RETREG1: variants seen among roughly 807,000 people sequenced by gnomAD.
RETREG1 encodes the protein reticulophagy regulator 1.
A neutral mutation model predicts 54.8 loss-of-function variants in RETREG1; 44 were observed. The observed-to-expected ratio is 0.80, with a 90% CI of 0.63 to 1.03. The LOEUF (loss-of-function observed/expected upper bound fraction) is 1.03, where lower values mean the gene tolerates loss of function less well. Ranked by LOEUF, RETREG1 falls within the 50% of genes least tolerant of loss-of-function variation. The probability of loss-of-function intolerance (pLI) is 0.00; values close to 1 mark genes in which losing one functional copy is unlikely to be tolerated. For missense variants in RETREG1, 554 were observed against 605.1 expected (o/e 0.92, Z 0.89); for synonymous variants, 217 against 238.5 (o/e 0.91, Z 0.83).
At chr5:16,541,427 C>T (rs907090489) in intron 3 of RETREG1, among the ~76,000 whole-genome samples, 6 of 152,312 alleles carry the variant, frequency 3.9e-5, no homozygotes, top group South Asian at 2.1e-4. Context: ...CGGTGGCTCA[C>T]GCCTGTAATC....
At chr5:16,543,548 C>T (rs6883256) in intron 3 of RETREG1, among the ~76,000 whole-genome samples, 14,031 of 151,802 alleles carry the variant, frequency 0.092, 875 homozygotes, top group African/African-American at 0.17. Flanking sequence ...TGGTGGTGCA[C>T]GCCTGTAATC....
chr5:16,519,485 C>T (rs1360440626), intron 3 of RETREG1, among the ~76,000 whole-genome samples: 2 of 152,166 alleles, frequency 1.3e-5, no homozygotes, highest in African/African-American at 2.4e-5. Context: ...AAAGCAGAAC[C>T]TTTTTCTCAG....
In RETREG1 at chr5:16,483,204, C is replaced by G. The variant is rs370114092; in HGVS notation, c.585+142G>C. On this transcript the variant is annotated intron_variant, in intron 4 of 8. Coordinates refer to ENST00000306320, the MANE Select transcript of RETREG1 (RefSeq NM_001034850.3). ...CGCACACTCACACATCTGAACCTTG[C>G]TGATACCAGCTTTTATGGCATATGT... The G allele has an allele frequency of 6.8e-5, 64 of 942,224 alleles. 1 individual carries two copies. In the African/African-American group the frequency reaches 9.5e-4, roughly 14 times the overall value. The allele number at this position is 942,224 out of a possible 1,614,324, so 58.4% of individuals were successfully genotyped here.
chr5:16,510,033 A>G (rs1425074454), intron 3 of RETREG1, among the ~76,000 whole-genome samples: 1 of 152,142 alleles, frequency 6.6e-6, no homozygotes, highest in Non-Finnish European at 1.5e-5. Context: ...AAAAATAAAA[A>G]AATAAAAATC....
intron 3 of RETREG1, among the ~76,000 whole-genome samples, chr5:16,511,750 C>G (rs538621704): frequency 2.9e-4 from 44 of 152,274 alleles, no homozygotes; most frequent in African/African-American, 1.0e-3. Flanking sequence ...TGGCTGGCAT[C>G]TGCTCAGCTT....
chr5:16,613,897 C>A (rs1743418153), intron 1 of RETREG1, among the ~76,000 whole-genome samples: 1 of 150,608 alleles, frequency 6.6e-6, no homozygotes, highest in Non-Finnish European at 1.5e-5. Context: ...ACCCCCAGAG[C>A]AACAAATAAA....
chr5:16,547,799 T>C (rs1356564255), intron 3 of RETREG1, among the ~76,000 whole-genome samples: 1 of 152,218 alleles, frequency 6.6e-6, no homozygotes, highest in African/African-American at 2.4e-5. Context: ...AATCTGATGT[T>C]ATTAGTGGGT....
chr5:16,532,293 G>A (rs954076474), intron 3 of RETREG1, among the ~76,000 whole-genome samples: 2 of 152,212 alleles, frequency 1.3e-5, no homozygotes, highest in African/African-American at 4.8e-5. Context: ...TTGGGAGGCT[G>A]AAGTGGGCAG....
chr5:16,514,470 T>C (rs1261737944), intron 3 of RETREG1, among the ~76,000 whole-genome samples: 1 of 152,222 alleles, frequency 6.6e-6, no homozygotes, highest in Admixed American at 6.5e-5. Flanking sequence ...TTCAGTATAT[T>C]CCGTGTTATT....
At chr5:16,566,586 A>G (rs1430070007) in intron 2 of RETREG1, among the ~76,000 whole-genome samples, 1 of 152,248 alleles carries the variant, frequency 6.6e-6, no homozygotes, top group African/African-American at 2.4e-5. Context: ...AATATCCCCT[A>G]TCGAGAGCTA....
chr5:16,510,507 C>G (rs961442343), intron 3 of RETREG1, among the ~76,000 whole-genome samples: 1 of 151,834 alleles, frequency 6.6e-6, no homozygotes, highest in East Asian at 1.9e-4. Flanking sequence ...AAAATCTTAT[C>G]GGCTGGGGGT....
intron 3 of RETREG1, among the ~76,000 whole-genome samples, chr5:16,550,846 T>C (rs1741515850): frequency 6.6e-6 from 1 of 152,258 alleles, no homozygotes. Context: ...GAAGATATTA[T>C]GCTAATTCAT....
Position 16,501,087 on chromosome 5 carries a change from G to A in RETREG1, c.459-17615C>T, listed in dbSNP as rs897485004. ...CCTATTTTGTATTGCTTAAGGAAATGTATAACTTATGTATACATTTATTAT... is the reference window on the plus strand; with the variant it reads ...CCTATTTTGTATTGCTTAAGGAAATATATAACTTATGTATACATTTATTAT... On this transcript the variant is annotated intron_variant, in intron 3 of 8. Transcript: ENST00000306320. Among the ~76,000 whole-genome samples, 3 of 152,298 alleles carry A rather than the reference G, an allele frequency of 2.0e-5. No homozygotes were observed. In the South Asian group the frequency reaches 6.2e-4, roughly 32 times the overall value.
At chr5:16,611,175 G>C (rs887808042) in intron 1 of RETREG1, among the ~76,000 whole-genome samples, 2 of 152,152 alleles carry the variant, frequency 1.3e-5, no homozygotes, top group African/African-American at 4.8e-5. Context: ...AACACTGCAT[G>C]TTCTCACTTA....
intron 3 of RETREG1, among the ~76,000 whole-genome samples, chr5:16,510,108 C>G (rs1178168779): frequency 6.6e-6 from 1 of 152,150 alleles, no homozygotes; most frequent in Non-Finnish European, 1.5e-5. Flanking sequence ...GTATATTTTA[C>G]CATTTGTATG....
intron 8 of RETREG1, among the ~76,000 whole-genome samples, chr5:16,476,860 A>G (rs75432292): frequency 0.012 from 1,823 of 152,264 alleles, 16 homozygotes; most frequent in Non-Finnish European, 0.02. Flanking sequence ...ATGTTGACCT[A>G]TGTAACAGAC....
At chr5:16,510,826 A>C (rs1165820014) in intron 3 of RETREG1, among the ~76,000 whole-genome samples, 1 of 150,850 alleles carries the variant, frequency 6.6e-6, no homozygotes, top group African/African-American at 2.4e-5. Flanking sequence ...AACAAAAAAA[A>C]AAAAAAAAAA....
In RETREG1 at chr5:16,573,395, C is replaced by A. The variant is rs777139231; in HGVS notation, c.321-1293G>T. On this transcript the variant is annotated intron_variant, in intron 1 of 8. Transcript: ENST00000306320. ...AATCACAAAGAGCGTTGAGCCTTCA[C>A]ATGAGATTAGAGGTCTGTTTACACA... 3.2e-4 allele frequency among the ~76,000 whole-genome samples: 49 copies of A among 152,206 alleles called. 1 individual carries two copies. Among genetic ancestry groups the A allele is most frequent in the Non-Finnish European group, 6.0e-4 (41 of 68,012 alleles).
chr5:16,588,039 C>T (rs1384115160), intron 1 of RETREG1, among the ~76,000 whole-genome samples: 2 of 152,212 alleles, frequency 1.3e-5, no homozygotes, highest in African/African-American at 4.8e-5. Context: ...CCCCCCTCCC[C>T]ACTGCTCCCA....
Sources: allele counts gnomAD v4.1 joint callset (sites outside exome capture counted in the v4.1 genomes callset), GRCh38; gene constraint gnomAD v4.1.1; transcripts MANE v1.5; gene names NCBI Gene and HGNC (gene_info 2026-07-23, HGNC 2026-07-21).